Variants in AADACL2 observed in about 807,000 individuals in gnomAD.
The protein encoded by AADACL2 is arylacetamide deacetylase like 2.
In AADACL2, 23 loss-of-function variants were observed where a neutral mutation model predicts 22.3. That is an observed-to-expected ratio of 1.03 (90% CI 0.74 to 1.46). The LOEUF (loss-of-function observed/expected upper bound fraction) is 1.46. Ranked by LOEUF, AADACL2 falls within the 40% of genes most tolerant of loss-of-function variation. The pLI, the probability that AADACL2 is intolerant of heterozygous loss-of-function variation, is 0.00. For synonymous variants in AADACL2, 177 were observed against 166.2 expected, an observed-to-expected ratio of 1.07 and a Z score of -0.50; for missense variants, 472 against 482.9, an observed-to-expected ratio of 0.98 and a Z score of 0.21.
intron 4 of AADACL2, among the ~76,000 whole-genome samples, chr3:151,747,879 A>G (rs1468515221): frequency 1.3e-5 from 2 of 152,118 alleles, no homozygotes; most frequent in East Asian, 3.9e-4. Context: ...TAATGGATAT[A>G]CTAACTGACA....
intron 4 of AADACL2, among the ~76,000 whole-genome samples, chr3:151,753,802 A>G (rs1203583946): frequency 1.3e-5 from 2 of 152,070 alleles, no homozygotes; most frequent in African/African-American, 4.8e-5. Context: ...AATAACACAC[A>G]CTCAAACCAG....
chr3:151,750,265 T>C (rs1713621004), intron 4 of AADACL2, among the ~76,000 whole-genome samples: 1 of 152,224 alleles, frequency 6.6e-6, no homozygotes, highest in Admixed American at 6.5e-5. Context: ...CCTATGTTCA[T>C]AACGGAAAAT....
intron 4 of AADACL2, among the ~76,000 whole-genome samples, chr3:151,749,380 A>G (rs1376846847): frequency 6.6e-6 from 1 of 152,000 alleles, no homozygotes; most frequent in Non-Finnish European, 1.5e-5. Context: ...TTCTATGTTG[A>G]TTTTGTATCC....
chr3:151,752,705 T>C (rs977337190), intron 4 of AADACL2, among the ~76,000 whole-genome samples: 1 of 152,178 alleles, frequency 6.6e-6, no homozygotes, highest in African/African-American at 2.4e-5. Flanking sequence ...CATAAAACAA[T>C]GGGAATTGAT....
At chr3:151,745,345 C>G (rs77149691) in intron 3 of AADACL2, among the ~76,000 whole-genome samples, 164 bp from the exon 4 acceptor site, 1 of 152,070 alleles carries the variant, frequency 6.6e-6, no homozygotes, top group East Asian at 1.9e-4. Context: ...AAACCTTATA[C>G]TTTATTAAAA....
chr3:151,751,275 C>A (rs1051791018), intron 4 of AADACL2, among the ~76,000 whole-genome samples: 1 of 152,078 alleles, frequency 6.6e-6, no homozygotes, highest in South Asian at 2.1e-4. Flanking sequence ...CATCTGAAAC[C>A]GGTTTGGGGA....
chr3:151,748,330 T>A (rs1398103932), intron 4 of AADACL2, among the ~76,000 whole-genome samples: 5 of 152,210 alleles, frequency 3.3e-5, no homozygotes, highest in Non-Finnish European at 7.3e-5. Context: ...TTCTTCTGCA[T>A]GTGGATATAT....
chr3:151,737,630 T>C (rs968288653), intron 1 of AADACL2, among the ~76,000 whole-genome samples: 4 of 152,240 alleles, frequency 2.6e-5, no homozygotes, highest in African/African-American at 9.6e-5. Context: ...ACTTGTTTTA[T>C]GAAACCTGGT....
At chr3:151,739,702 A>T (rs568258179) in intron 1 of AADACL2, among the ~76,000 whole-genome samples, 1 of 152,258 alleles carries the variant, frequency 6.6e-6, no homozygotes, top group African/African-American at 2.4e-5. Flanking sequence ...TCTTTCAGAG[A>T]TGCCCTGTCA....
intron 1 of AADACL2, among the ~76,000 whole-genome samples, chr3:151,735,764 TAAAA>T (rs1158810266): frequency 2.6e-5 from 4 of 152,074 alleles, no homozygotes; most frequent in Non-Finnish European, 5.9e-5. Flanking sequence ...TCTCAAAAAA[TAAAA>T]AAATTAAATT....
Position 151,758,540 on chromosome 3 carries a change from T to C in AADACL2, c.*946T>C, listed in dbSNP as rs1416373041. On this transcript the variant is annotated 3_prime_UTR_variant, in exon 5 of 5. Transcript: ENST00000356517. ...AATATTTTTTAAAGGAGGCAGCAGA[T>C]CAATATTATAATTCAAGAATCTGAT... The C allele has an allele frequency of 6.6e-6, 1 of 152,136 alleles. No homozygotes were observed. Among genetic ancestry groups the C allele is most frequent in the Non-Finnish European group, 1.5e-5 (1 of 67,992 alleles). The allele number at this position is 152,136 out of a possible 1,614,324, so 9.4% of individuals were successfully genotyped here.
Position 151,733,960 on chromosome 3 carries a change from G to T in AADACL2, c.-76G>T. The T allele has an allele frequency of 7.0e-7, 1 of 1,429,206 alleles. No individual in the cohort carries two copies. The highest frequency in any genetic ancestry group is 9.4e-7 in the Non-Finnish European group (1 of 1,067,280). 88.5% of individuals were successfully genotyped at this position (1,429,206 alleles called of 1,614,324 possible). On this transcript the variant is annotated 5_prime_UTR_variant, in exon 1 of 5. Coordinates refer to ENST00000356517, the MANE Select transcript of AADACL2 (RefSeq NM_207365.4). Reference sequence around the variant, plus strand: ...TGAGAGAGTTCCCAAGTCTACAATTGCTCTACTAGTTACTATTCAGTGTTT... The same window carrying T: ...TGAGAGAGTTCCCAAGTCTACAATTTCTCTACTAGTTACTATTCAGTGTTT...
rs1165947912 is a variant in AADACL2, at chr3:151,760,931, C to T, written c.*3337C>T. On this transcript the variant is annotated 3_prime_UTR_variant, in exon 5 of 5. Transcript: ENST00000356517. The stretch of plus-strand genomic sequence containing the variant: ...GTTGTATGTGTTCTTCCCCAATTTT[C>T]CCTTTTTATAAAGATAGCAGTCAGA... 1 of 151,736 alleles carries T rather than the reference C, an allele frequency of 6.6e-6. No individual in the cohort carries two copies. The highest frequency in any genetic ancestry group is 1.5e-5 in the Non-Finnish European group (1 of 67,978). The allele number at this position is 151,736 out of a possible 1,614,324, so 9.4% of individuals were successfully genotyped here.
At position 151,761,107 on chromosome 3, in the gene AADACL2, T is replaced by A. The variant is rs1398208943; in HGVS notation, c.*3513T>A. ...TATATGGTGAGATATATATATATTTTTTTATATATGGTGAGATATATATTT... is the reference window on the plus strand; with the variant it reads ...TATATGGTGAGATATATATATATTTATTTATATATGGTGAGATATATATTT... On this transcript the variant is annotated 3_prime_UTR_variant, in exon 5 of 5. Transcript: ENST00000356517. The A allele has an allele frequency of 3.7e-4, 55 of 147,380 alleles. No individual in the cohort carries two copies. The highest frequency in any genetic ancestry group is 1.2e-3 in the African/African-American group (50 of 40,160). 9.1% of individuals were successfully genotyped at this position (147,380 alleles called of 1,614,324 possible). A position where few individuals can be genotyped will look rare whatever the true frequency, so the allele number is the denominator to read the frequency against.
chr3:151,745,804 C>A, intron 4 of AADACL2, 124 bp downstream of exon 4: 1 of 980,416 alleles, frequency 1.0e-6, no homozygotes, highest in Non-Finnish European at 1.5e-6. Context: ...ATTACAGTAG[C>A]ACTTGAGTAA....
In AADACL2 at chr3:151,760,502, C is replaced by T. The variant is rs1192997351; in HGVS notation, c.*2908C>T. ...ATACAGAAGAAATTCTTGACTTCAT[C>T]TATCCGAATTTCTACAAGTCATCTG... On this transcript the variant is annotated 3_prime_UTR_variant, in exon 5 of 5. Transcript: ENST00000356517. The T allele has an allele frequency of 1.3e-5, 2 of 152,366 alleles. No individual in the cohort carries two copies. The highest frequency in any genetic ancestry group is 1.9e-4 in the East Asian group (1 of 5,198). 9.4% of individuals were successfully genotyped at this position (152,366 alleles called of 1,614,324 possible).
At chr3:151,746,370 T>C (rs1713447373) in intron 4 of AADACL2, among the ~76,000 whole-genome samples, 2 of 150,944 alleles carry the variant, frequency 1.3e-5, no homozygotes, top group African/African-American at 4.8e-5. Context: ...TTTTTGTTTT[T>C]TTTTTTTTTA....
Position 151,743,000 on chromosome 3 carries a change from A to AT in AADACL2, c.362-1083dup, listed in dbSNP as rs530805694. 6.0e-3 allele frequency among the ~76,000 whole-genome samples: 895 copies of AT among 149,324 alleles called. 3 individuals carry two copies. Among genetic ancestry groups the AT allele is most frequent in the Middle Eastern group, 6.9e-3 (2 of 290 alleles). ...AAGGCTATGTCTCCCTAATCTGCAG[A>AT]TTTTTTTTTTAATAGAAATTAAAGC... On this transcript the variant is annotated intron_variant, in intron 2 of 4. Coordinates refer to ENST00000356517, the MANE Select transcript of AADACL2 (RefSeq NM_207365.4).
At chr3:151,753,780 T>G (rs1490700722) in intron 4 of AADACL2, among the ~76,000 whole-genome samples, 1 of 152,220 alleles carries the variant, frequency 6.6e-6, no homozygotes, top group African/African-American at 2.4e-5. Flanking sequence ...GGTGTGGGCA[T>G]GCAGGAATTT....
Sources: allele counts gnomAD v4.1 joint callset (sites outside exome capture counted in the v4.1 genomes callset), GRCh38; gene constraint gnomAD v4.1.1; transcripts MANE v1.5; gene names NCBI Gene and HGNC (gene_info 2026-07-23, HGNC 2026-07-21).